Variants in MAP3K2 observed in about 807,000 individuals in gnomAD.
MAP3K2 encodes MAP/ERK kinase kinase 2.
In MAP3K2, 24 loss-of-function variants were observed where a neutral mutation model predicts 80.3. The observed-to-expected ratio is 0.30, with a 90% CI of 0.22 to 0.42. The LOEUF (loss-of-function observed/expected upper bound fraction) is 0.42, where lower values mean the gene tolerates loss of function less well. Ranked by LOEUF, MAP3K2 falls within the 10% of genes least tolerant of loss-of-function variation. The pLI is 1.00. For missense variants in MAP3K2, 608 were observed against 750.1 expected (o/e 0.81, Z 2.21); for synonymous variants, 244 against 253.7 (o/e 0.96, Z 0.36).
rs531511033 is a variant in MAP3K2, at chr2:127,384,998, G to C, written c.-66+2454C>G. Among the ~76,000 whole-genome samples the C allele has an allele frequency of 7.2e-5, 11 of 152,272 alleles. No homozygotes were observed. In the East Asian group the frequency reaches 2.1e-3, roughly 29 times the overall value. ...TGAAGATGATGTGAATATTATTGAA[G>C]TAGCAACAAAGGACTTAGATTACAA... On this transcript the variant is annotated intron_variant, in intron 1 of 16. Transcript: ENST00000682094.
chr2:127,333,526 G>T (rs1373031032), intron 5 of MAP3K2, among the ~76,000 whole-genome samples: 1 of 152,126 alleles, frequency 6.6e-6, no homozygotes, highest in African/African-American at 2.4e-5. Context: ...CACAAAACTA[G>T]TAAGACTTTC....
chr2:127,357,755 T>G (rs1477579937), intron 1 of MAP3K2, among the ~76,000 whole-genome samples: 3 of 152,206 alleles, frequency 2.0e-5, no homozygotes, highest in Non-Finnish European at 4.4e-5. Flanking sequence ...ATCTTTTCTA[T>G]ACACTGTGGT....
At chr2:127,334,751 T>C (rs755467234) in intron 5 of MAP3K2, among the ~76,000 whole-genome samples, 3 of 150,868 alleles carry the variant, frequency 2.0e-5, no homozygotes, top group East Asian at 1.9e-4. Context: ...CTGCCCGTTA[T>C]TCTTCAACAC....
At chr2:127,372,876 G>C (rs1687089898) in intron 1 of MAP3K2, among the ~76,000 whole-genome samples, 1 of 152,174 alleles carries the variant, frequency 6.6e-6, no homozygotes, top group Admixed American at 6.5e-5. Flanking sequence ...ATTCCCAAAA[G>C]GTCTGGTAAA....
intron 1 of MAP3K2, among the ~76,000 whole-genome samples, chr2:127,343,907 C>A (rs1686546743): frequency 6.6e-6 from 1 of 151,984 alleles, no homozygotes; most frequent in South Asian, 2.1e-4. Context: ...TAGCTCCCAG[C>A]TACTTGGGAG....
chr2:127,315,034 G>A (rs1220779824), intron 14 of MAP3K2, among the ~76,000 whole-genome samples, 151 bp from the exon 15 acceptor site: 1 of 152,124 alleles, frequency 6.6e-6, no homozygotes, highest in Non-Finnish European at 1.5e-5. Context: ...TTCTTATTCT[G>A]TTTTTAAAGT....
chr2:127,384,040 G>C (rs1356856033), intron 1 of MAP3K2, among the ~76,000 whole-genome samples: 2 of 151,484 alleles, frequency 1.3e-5, no homozygotes, highest in African/African-American at 4.9e-5. Context: ...TGCCCGGCTA[G>C]TGGTTTTTTT....
Position 127,339,509 on chromosome 2 carries a change from G to A in MAP3K2, c.5-459C>T, listed in dbSNP as rs1338100452. ...TTTATTCTTTCATCAATACTTAAGA[G>A]TCAGAAACAAAGAAAAGCTTCACCT... On this transcript the variant is annotated intron_variant, in intron 2 of 16. Coordinates refer to ENST00000682094, the MANE Select transcript of MAP3K2 (RefSeq NM_001371910.2). This position sits in a 1 kb window ranked among gnomAD's most constrained non-coding sequence, Gnocchi z 4.2. 1.3e-5 allele frequency among the ~76,000 whole-genome samples: 2 copies of A among 152,084 alleles called. No individual in the cohort carries two copies. Among genetic ancestry groups the A allele is most frequent in the Non-Finnish European group, 2.9e-5 (2 of 68,000 alleles).
intron 1 of MAP3K2, among the ~76,000 whole-genome samples, chr2:127,375,224 C>A (rs1687129843): frequency 6.6e-6 from 1 of 151,940 alleles, no homozygotes; most frequent in African/African-American, 2.4e-5. Flanking sequence ...CAACCCAGTA[C>A]CAGAAATAAA....
rs1686434187 is a variant in MAP3K2, at chr2:127,339,392, TA to T, written c.5-343del. On this transcript the variant is annotated intron_variant, in intron 2 of 16. Coordinates refer to ENST00000682094, the MANE Select transcript of MAP3K2 (RefSeq NM_001371910.2). This position sits in a 1 kb window ranked among gnomAD's most constrained non-coding sequence, Gnocchi z 4.2. ...AAACATCAAGGTATCTAAAATGTTTTAAAAAGTAGGGAAAAAAAAATAAACA... is the reference window on the plus strand; with the variant it reads ...AAACATCAAGGTATCTAAAATGTTTTAAAAGTAGGGAAAAAAAAATAAACA... Among the ~76,000 whole-genome samples the T allele has an allele frequency of 6.6e-6, 1 of 152,018 alleles. No homozygotes were observed. Among genetic ancestry groups the T allele is most frequent in the African/African-American group, 2.4e-5 (1 of 41,386 alleles).
intron 5 of MAP3K2, among the ~76,000 whole-genome samples, chr2:127,333,278 A>ACC (rs1491131872): frequency 5.0e-5 from 2 of 39,770 alleles, no homozygotes; most frequent in African/African-American, 2.7e-4. Context: ...AACCCTCATA[A>ACC]CACACACACA....
At chr2:127,354,677 C>T (rs1362254522) in intron 1 of MAP3K2, among the ~76,000 whole-genome samples, 1 of 151,960 alleles carries the variant, frequency 6.6e-6, no homozygotes, top group Non-Finnish European at 1.5e-5. Context: ...GCAAAAATGT[C>T]CAGTGCCTAA....
chr2:127,313,684 G>A (rs538592360), intron 15 of MAP3K2, among the ~76,000 whole-genome samples: 5 of 152,266 alleles, frequency 3.3e-5, no homozygotes, highest in Admixed American at 2.6e-4. Context: ...TCTGAAAAAT[G>A]CATTTTTAGG....
intron 1 of MAP3K2, among the ~76,000 whole-genome samples, chr2:127,365,634 C>T (rs1686959922): frequency 6.6e-6 from 1 of 152,142 alleles, no homozygotes; most frequent in Admixed American, 6.5e-5. Context: ...TGACTGAGGA[C>T]CACAAAAGAG....
Position 127,317,675 on chromosome 2 carries a change from T to C in MAP3K2, c.1280A>G (p.Asp427Gly), listed in dbSNP as rs1573980333. The change falls in exon 14 of 17, where the codon GAT (aspartate) becomes GGT (glycine). Residue 427 changes from aspartate (D) to glycine (G), a missense_variant. Asp to Gly is a moderately conservative substitution (Grantham distance 94, BLOSUM62 -1). This residue lies in a region of MAP3K2 where 467 missense variants were observed against 521.9 expected (regional missense o/e 0.89). Transcript: ENST00000682094. The part of the protein sequence containing the change: ...RIVQYYGCLR[D>G]PQEKTLSIFM... ...TATGGAAAGTGTTTTTTCCTGGGGA[T>C]CCCTCAAACAGCCATAATACTGAAC... 6.3e-7 allele frequency: 1 copy of C among 1,590,774 alleles called. No homozygotes were observed.
Position 127,304,442 on chromosome 2 carries a change from T to A in MAP3K2, c.*3137A>T, listed in dbSNP as rs1170844952. The A allele has an allele frequency of 2.0e-5, 3 of 152,122 alleles. No individual in the cohort carries two copies. Among genetic ancestry groups the A allele is most frequent in the Non-Finnish European group, 4.4e-5 (3 of 68,002 alleles). The allele number at this position is 152,122 out of a possible 1,614,324, so 9.4% of individuals were successfully genotyped here. On this transcript the variant is annotated 3_prime_UTR_variant, in exon 17 of 17. Coordinates refer to ENST00000682094, the MANE Select transcript of MAP3K2 (RefSeq NM_001371910.2). ...TGCCACTTTGAATCTCTCAAGGCCT[T>A]AAGTAGAAAGATATTTCCTGAAAAG...
chr2:127,326,416 G>A (rs1448676198), intron 8 of MAP3K2, among the ~76,000 whole-genome samples: 3 of 151,580 alleles, frequency 2.0e-5, no homozygotes, highest in Non-Finnish European at 2.9e-5. Context: ...AAAAAATCTG[G>A]CTGTTAAATT....
intron 1 of MAP3K2, among the ~76,000 whole-genome samples, chr2:127,382,579 A>G (rs1272325636): frequency 1.3e-5 from 2 of 152,232 alleles, no homozygotes; most frequent in Non-Finnish European, 2.9e-5. Context: ...ATTGCCCAGG[A>G]TGAAGTGCAG....
intron 1 of MAP3K2, among the ~76,000 whole-genome samples, chr2:127,350,356 A>G (rs898093136): frequency 5.3e-5 from 8 of 151,404 alleles, no homozygotes; most frequent in African/African-American, 1.9e-4. Context: ...AATCTCAGCT[A>G]CTCAGGAGAC....
Sources: allele counts gnomAD v4.1 joint callset (sites outside exome capture counted in the v4.1 genomes callset), GRCh38; gene constraint gnomAD v4.1.1; regional missense constraint gnomAD v4.1.1; non-coding constraint Gnocchi (gnomAD v3.1); transcripts MANE v1.5; gene names NCBI Gene and HGNC (gene_info 2026-07-23, HGNC 2026-07-21).